CDH12: variants seen among roughly 807,000 people sequenced by gnomAD.
CDH12 encodes the protein cadherin-12.
In CDH12, 41 loss-of-function variants were observed where a neutral mutation model predicts 74.1. The ratio of observed to expected loss-of-function variants is 0.55; its 90% CI spans 0.43 to 0.72. The LOEUF is 0.72. Among genes scored for constraint, CDH12 ranks in the 30% least tolerant of loss-of-function variants. The probability of loss-of-function intolerance (pLI) is 0.00; values close to 1 mark genes in which losing one functional copy is unlikely to be tolerated. For missense variants in CDH12, 945 were observed against 977.2 expected (o/e 0.97, Z 0.44); for synonymous variants, 399 against 355.0 (o/e 1.12, Z -1.39).
intron 2 of CDH12, among the ~76,000 whole-genome samples, chr5:22,423,075 G>A (rs1554039680): frequency 6.6e-6 from 1 of 152,056 alleles, no homozygotes; most frequent in Non-Finnish European, 1.5e-5. Flanking sequence ...CAAGGACAAA[G>A]TAAAACTGGT....
In CDH12 at chr5:21,751,632, TTG is replaced by T. The variant is rs70957059; in HGVS notation, c.*103_*104del. The T allele has an allele frequency of 3.1e-3, 1,775 of 571,356 alleles. 35 individuals carry two copies. The Admixed American group carries it at 0.047, about 15-fold the overall frequency. The allele number at this position is 571,356 out of a possible 1,614,324, so 35.4% of individuals were successfully genotyped here. Reference sequence around the variant, plus strand: ...AGAGTGTGTGTGTGTGTGTGTGTGTTTGTGTGTGTGTGTGTGTGTGAGAGAGA... The same window carrying T: ...AGAGTGTGTGTGTGTGTGTGTGTGTTTGTGTGTGTGTGTGTGTGAGAGAGA... On this transcript the variant is annotated 3_prime_UTR_variant, in exon 15 of 15. Transcript: ENST00000382254.
intron 3 of CDH12, among the ~76,000 whole-genome samples, chr5:22,214,375 C>CTTTTAGATTG (rs1561227735): frequency 1.4e-4 from 22 of 152,206 alleles, no homozygotes; most frequent in African/African-American, 5.1e-4. Context: ...AGCAGGAAAC[C>CTTTTAGATTG]CATTATCCAA....
chr5:22,100,013 T>C (rs1442091070), intron 4 of CDH12, among the ~76,000 whole-genome samples: 2 of 152,154 alleles, frequency 1.3e-5, no homozygotes, highest in Non-Finnish European at 2.9e-5. Context: ...CTGCCCCTAA[T>C]GCCGCTCGAA....
intron 2 of CDH12, among the ~76,000 whole-genome samples, chr5:22,416,519 T>C (rs560618361): frequency 2.7e-4 from 41 of 152,296 alleles, no homozygotes; most frequent in Middle Eastern, 6.8e-3. Context: ...ATCCCCATTT[T>C]TCAAACCAGA....
chr5:22,092,708 A>G (rs1222101138), intron 4 of CDH12, among the ~76,000 whole-genome samples: 1 of 152,122 alleles, frequency 6.6e-6, no homozygotes, highest in Non-Finnish European at 1.5e-5. Flanking sequence ...ATGTTAAAAT[A>G]TAGAGTTTAT....
intron 1 of CDH12, among the ~76,000 whole-genome samples, chr5:22,520,439 C>G (rs9293020): frequency 0.16 from 24,669 of 151,974 alleles, 2,580 homozygotes; most frequent in East Asian, 0.36. Context: ...AGGAATCCAG[C>G]AAATAAGTTA....
At chr5:22,648,558 C>T (rs1225248180) in intron 1 of CDH12, among the ~76,000 whole-genome samples, 3 of 151,790 alleles carry the variant, frequency 2.0e-5, no homozygotes, top group Non-Finnish European at 4.4e-5. Context: ...ACCGATATCC[C>T]TTCCATGACC....
chr5:21,826,992 A>T (rs944629811), intron 8 of CDH12, among the ~76,000 whole-genome samples: 9 of 152,126 alleles, frequency 5.9e-5, no homozygotes, highest in Non-Finnish European at 1.2e-4. Flanking sequence ...CATGACCTAT[A>T]TCAAGCTACT....
chr5:22,587,547 T>C (rs1463530645), intron 1 of CDH12, among the ~76,000 whole-genome samples: 2 of 152,282 alleles, frequency 1.3e-5, no homozygotes, highest in South Asian at 2.1e-4. Flanking sequence ...AGCTATAGTG[T>C]CTAGGATATG....
chr5:22,497,034 T>C (rs1747130188), intron 2 of CDH12, among the ~76,000 whole-genome samples: 1 of 152,204 alleles, frequency 6.6e-6, no homozygotes, highest in African/African-American at 2.4e-5. Context: ...TAGCGTCATT[T>C]TCTCATCTGC....
intron 2 of CDH12, among the ~76,000 whole-genome samples, chr5:22,435,496 A>ATG (rs200622521): frequency 2.8e-4 from 19 of 66,720 alleles, no homozygotes; most frequent in East Asian, 1.7e-3. Context: ...ATGTGTATAT[A>ATG]TATGTGTGTG....
chr5:22,310,478 G>C (rs1738341196), intron 3 of CDH12, among the ~76,000 whole-genome samples: 1 of 133,594 alleles, frequency 7.5e-6, no homozygotes, highest in African/African-American at 2.7e-5. Context: ...AAAAAAAATG[G>C]CAATGGCAAA....
chr5:22,825,086 AT>A (rs971876582), intron 1 of CDH12, among the ~76,000 whole-genome samples: 7 of 152,104 alleles, frequency 4.6e-5, no homozygotes, highest in African/African-American at 1.4e-4. Flanking sequence ...TCACGCATTC[AT>A]TTACCCATTC....
At chr5:22,201,576 T>C (rs1054476975) in intron 4 of CDH12, among the ~76,000 whole-genome samples, 3 of 152,134 alleles carry the variant, frequency 2.0e-5, no homozygotes, top group Non-Finnish European at 4.4e-5. Flanking sequence ...ACAATGTATA[T>C]TATTTGAGTG....
intron 6 of CDH12, among the ~76,000 whole-genome samples, chr5:21,911,747 G>T (rs2150063991): frequency 6.6e-6 from 1 of 152,194 alleles, no homozygotes; most frequent in Non-Finnish European, 1.5e-5. Flanking sequence ...CTTGAAAAAT[G>T]GGAGTCAAAT....
rs374444907 is a variant in CDH12, at chr5:21,755,818, C to T, written c.1658G>A (p.Arg553Gln). ...CTGCCTGCGGCTGTATCCATTTCTT[C>T]GGGTTTCAATCCCCGCTGTGTTGTC... ...FRNNTAGIET[R>Q]RNGYSRRQQE... The change falls in exon 14 of 15, where the codon CGA (arginine) becomes CAA (glutamine). Residue 553 changes from arginine (R) to glutamine (Q), a missense_variant. Coordinates refer to ENST00000382254, the MANE Select transcript of CDH12 (RefSeq NM_004061.5). 88 of 1,613,882 alleles carry T rather than the reference C, an allele frequency of 5.5e-5. No homozygotes were observed. The Admixed American group carries it at 7.0e-4, about 13-fold the overall frequency.
intron 2 of CDH12, among the ~76,000 whole-genome samples, chr5:22,419,615 G>A (rs1413248472): frequency 6.6e-6 from 1 of 152,146 alleles, no homozygotes; most frequent in African/African-American, 2.4e-5. Flanking sequence ...GAACATACAT[G>A]TGCTTGTGTC....
At chr5:22,413,248 A>G (rs1235193101) in intron 2 of CDH12, among the ~76,000 whole-genome samples, 1 of 151,976 alleles carries the variant, frequency 6.6e-6, no homozygotes, top group Non-Finnish European at 1.5e-5. Context: ...TCTCCCAGGG[A>G]AAATGTATGG....
At chr5:22,045,355 A>G (rs1400042432) in intron 5 of CDH12, among the ~76,000 whole-genome samples, 2 of 152,158 alleles carry the variant, frequency 1.3e-5, no homozygotes, top group Admixed American at 6.5e-5. Flanking sequence ...AATTAGCACA[A>G]CCATTAGGGA....
Sources: gnomAD v4.1 joint callset for allele counts (sites outside exome capture counted in the v4.1 genomes callset) on GRCh38, gnomAD v4.1.1 for gene constraint, MANE v1.5 for transcripts, NCBI Gene and HGNC (gene_info 2026-07-23, HGNC 2026-07-21) for gene names.